SLC12A8: variants seen among roughly 807,000 people sequenced by gnomAD.
The protein encoded by SLC12A8 is cation-chloride cotransporter 9.
Under a neutral mutation model 75.6 loss-of-function variants are expected in SLC12A8, and 69 were observed. That is an observed-to-expected ratio of 0.91 (90% CI 0.75 to 1.11). The LOEUF (loss-of-function observed/expected upper bound fraction) is 1.11, where lower values mean the gene tolerates loss of function less well. Ranked by LOEUF, SLC12A8 falls within the 50% of genes most tolerant of loss-of-function variation. The pLI is 0.00. For missense variants in SLC12A8, 877 were observed against 896.7 expected (o/e 0.98, Z 0.28); for synonymous variants, 365 against 372.8 (o/e 0.98, Z 0.24).
rs557749834 is a variant in SLC12A8 at position 125,199,264 on chromosome 3, T to C, written c.52-8743A>G. On this transcript the variant is annotated intron_variant, in intron 2 of 13. Coordinates refer to ENST00000469902, the MANE Select transcript of SLC12A8 (RefSeq NM_024628.6). ...CATATATATAGAGAAAATGGTCTAATGATAAAGCAAAAAGGCAAAGTGTTA... is the reference window on the plus strand; with the variant it reads ...CATATATATAGAGAAAATGGTCTAACGATAAAGCAAAAAGGCAAAGTGTTA... Among the ~76,000 whole-genome samples, 27 of 152,282 alleles carry C rather than the reference T, an allele frequency of 1.8e-4. No individual in the cohort carries two copies. In the South Asian group the frequency reaches 2.1e-3, roughly 12 times the overall value.
intron 2 of SLC12A8, among the ~76,000 whole-genome samples, chr3:125,201,074 G>A (rs556919683): frequency 6.6e-6 from 1 of 152,184 alleles, no homozygotes; most frequent in South Asian, 2.1e-4. Flanking sequence ...CTGACTGTTC[G>A]TGTGGGGAAG....
rs531761063 is a variant in SLC12A8 at position 125,125,096 on chromosome 3, G to T, written c.737-4410C>A. On this transcript the variant is annotated intron_variant, in intron 6 of 13. Coordinates refer to ENST00000469902, the MANE Select transcript of SLC12A8 (RefSeq NM_024628.6). Reference sequence around the variant, plus strand: ...GAAGAGAAATACAGCACACAGTTTCGCAAAACTTATTTGGCATTGAACCCT... The same window carrying T: ...GAAGAGAAATACAGCACACAGTTTCTCAAAACTTATTTGGCATTGAACCCT... 4.4e-4 allele frequency among the ~76,000 whole-genome samples: 66 copies of T among 148,448 alleles called. No homozygotes were observed. The South Asian group carries it at 0.013, about 29-fold the overall frequency.
At position 125,083,916 on chromosome 3, in the gene SLC12A8, G is replaced by A. The variant is rs748152373; in HGVS notation, c.2119C>T (p.Arg707Trp). ...TAGTAGTGAGGCATCAGCTGCTCCC[G>A]GTTCACGAGGGAGGAGTGGTGGTAG... The part of the protein sequence containing the change: ...DRYHHSSLVN[R>W]EQLMPHY The change falls in exon 14 of 14, where the codon CGG (arginine) becomes TGG (tryptophan). Residue 707 changes from arginine (R) to tryptophan (W), a missense_variant. Physicochemically the swap from Arg to Trp is moderately radical, Grantham distance 101 (BLOSUM62 -3). Transcript: ENST00000469902. 52 of 1,613,046 alleles carry A rather than the reference G, an allele frequency of 3.2e-5. No homozygotes were observed. The highest frequency in any genetic ancestry group is 2.3e-4 in the Admixed American group (14 of 59,896).
At chr3:125,141,246 A>C (rs1933627864) in intron 5 of SLC12A8, among the ~76,000 whole-genome samples, 1 of 152,160 alleles carries the variant, frequency 6.6e-6, no homozygotes, top group South Asian at 2.1e-4. Flanking sequence ...AAGTCCTTGA[A>C]GCTCTGTCTG....
chr3:125,157,345 G>A (rs1053553045), intron 5 of SLC12A8, among the ~76,000 whole-genome samples: 1 of 151,994 alleles, frequency 6.6e-6, no homozygotes, highest in South Asian at 2.1e-4. Context: ...GCCATGTTCC[G>A]ATAAACCTGT....
intron 8 of SLC12A8, 56 bp from the exon 9 acceptor site, chr3:125,110,391 A>T (rs1939158278): frequency 1.1e-5 from 18 of 1,567,500 alleles, no homozygotes; most frequent in Non-Finnish European, 1.6e-5. Flanking sequence ...GTGCCTTTCT[A>T]CCCCCCCAGC....
intron 5 of SLC12A8, among the ~76,000 whole-genome samples, chr3:125,170,989 G>A (rs1934396877): frequency 6.6e-6 from 1 of 152,120 alleles, no homozygotes; most frequent in African/African-American, 2.4e-5. Context: ...AGTAGGAGTG[G>A]GAAAATGGAG....
chr3:125,210,663 A>G (rs1935319149), intron 2 of SLC12A8, among the ~76,000 whole-genome samples: 1 of 152,138 alleles, frequency 6.6e-6, no homozygotes, highest in Non-Finnish European at 1.5e-5. Flanking sequence ...CAGGAAAGAA[A>G]CCCAAGGGAT....
chr3:125,205,097 C>A (rs1935201043), intron 2 of SLC12A8, among the ~76,000 whole-genome samples: 1 of 152,116 alleles, frequency 6.6e-6, no homozygotes, highest in Non-Finnish European at 1.5e-5. Context: ...CAACCAGAGG[C>A]CACCCCTATA....
At chr3:125,166,478 G>T (rs1463630790) in intron 5 of SLC12A8, among the ~76,000 whole-genome samples, 1 of 152,114 alleles carries the variant, frequency 6.6e-6, no homozygotes, top group Non-Finnish European at 1.5e-5. Context: ...CTTGAGTCAG[G>T]TTTCCCGCTG....
chr3:125,132,002 C>T (rs183669569), intron 6 of SLC12A8, among the ~76,000 whole-genome samples: 237 of 152,296 alleles, frequency 1.6e-3, no homozygotes, highest in Non-Finnish European at 2.7e-3. Context: ...TCTCAGATTT[C>T]CAGTCCTTGA....
intron 3 of SLC12A8, among the ~76,000 whole-genome samples, chr3:125,188,504 A>C (rs893390378): frequency 6.6e-6 from 1 of 152,234 alleles, no homozygotes; most frequent in Non-Finnish European, 1.5e-5. Context: ...TGTTGAGCGA[A>C]TAAACAAACC....
At chr3:125,160,040 C>G (rs1017026973) in intron 5 of SLC12A8, among the ~76,000 whole-genome samples, 1 of 152,224 alleles carries the variant, frequency 6.6e-6, no homozygotes, top group Non-Finnish European at 1.5e-5. Flanking sequence ...CTCTTGGGCT[C>G]AAGTGATTCC....
At chr3:125,200,992 C>G (rs1935109125) in intron 2 of SLC12A8, among the ~76,000 whole-genome samples, 1 of 152,204 alleles carries the variant, frequency 6.6e-6, no homozygotes, top group African/African-American at 2.4e-5. Context: ...TATCTGCAAA[C>G]TGGGAAAAGA....
At chr3:125,179,333 A>T (rs746450791) in intron 4 of SLC12A8, among the ~76,000 whole-genome samples, 5 of 152,208 alleles carry the variant, frequency 3.3e-5, no homozygotes, top group Admixed American at 3.3e-4. Flanking sequence ...ATCTTAAAAA[A>T]TTGTTTATGC....
intron 10 of SLC12A8, among the ~76,000 whole-genome samples, chr3:125,098,250 C>T (rs2076727): frequency 0.44 from 66,152 of 151,904 alleles, 15,065 homozygotes; most frequent in Middle Eastern, 0.63. Flanking sequence ...TTAAAGTCCA[C>T]GTGGTATTTT....
At chr3:125,124,794 CTGTGT>C (rs2107753788) in intron 6 of SLC12A8, among the ~76,000 whole-genome samples, 1 of 152,184 alleles carries the variant, frequency 6.6e-6, no homozygotes, top group South Asian at 2.1e-4. Context: ...TTTTTCCTGT[CTGTGT>C]TAAGTGTCAC....
chr3:125,116,566 C>A (rs1056701737), intron 8 of SLC12A8, among the ~76,000 whole-genome samples: 1 of 152,172 alleles, frequency 6.6e-6, no homozygotes, highest in Non-Finnish European at 1.5e-5. Context: ...TGTCTCTGGG[C>A]TGTTTTTACC....
intron 10 of SLC12A8, among the ~76,000 whole-genome samples, 199 bp downstream of exon 10, chr3:125,107,282 T>C (rs1466667229): frequency 6.6e-6 from 1 of 152,222 alleles, no homozygotes; most frequent in Non-Finnish European, 1.5e-5. Context: ...GAAATTTCTG[T>C]TTAAAATTAA....
Sources: gnomAD v4.1 joint callset for allele counts (sites outside exome capture counted in the v4.1 genomes callset) on GRCh38, gnomAD v4.1.1 for gene constraint, MANE v1.5 for transcripts, NCBI Gene and HGNC (gene_info 2026-07-23, HGNC 2026-07-21) for gene names.